JAK2: variants seen among roughly 807,000 people sequenced by gnomAD.
JAK2 encodes the protein Janus kinase 2, also known as tyrosine-protein kinase JAK2.
A neutral mutation model predicts 139.3 loss-of-function variants in JAK2; 86 were observed. That is an observed-to-expected ratio of 0.62 (90% CI 0.52 to 0.74). The LOEUF is 0.74. JAK2 is among the 30% of genes least tolerant of loss of function. JAK2 has a pLI of 0.00. For missense variants in JAK2, 1,421 were observed against 1,360.3 expected (o/e 1.04, Z -0.70); for synonymous variants, 490 against 437.7 (o/e 1.12, Z -1.49).
At chr9:5,031,976 G>C (rs777869836) in intron 4 of JAK2, among the ~76,000 whole-genome samples, 11 of 152,384 alleles carry the variant, frequency 7.2e-5, no homozygotes, top group Middle Eastern at 3.4e-3. Context: ...CCACACCCGG[G>C]AAGCGCAAAG....
chr9:5,073,833 T>G (rs1485829271), intron 14 of JAK2, 48 bp downstream of exon 14: 2 of 1,224,600 alleles, frequency 1.6e-6, no homozygotes, highest in Non-Finnish European at 2.4e-6. Flanking sequence ...AGCATCTGTT[T>G]TTGTTTATAT....
chr9:5,075,876 C>T (rs1455119304), intron 14 of JAK2, among the ~76,000 whole-genome samples: 1 of 152,156 alleles, frequency 6.6e-6, no homozygotes, highest in African/African-American at 2.4e-5. Context: ...GGAAAGGATT[C>T]ACCATTCTAG....
At chr9:5,107,462 A>C (rs1204641430) in intron 22 of JAK2, among the ~76,000 whole-genome samples, 17 of 152,168 alleles carry the variant, frequency 1.1e-4, no homozygotes, top group Admixed American at 1.0e-3. Flanking sequence ...TGAGCTATTC[A>C]AACAAATTAC....
intron 22 of JAK2, chr9:5,099,228 T>A (rs1382608838): frequency 6.6e-6 from 1 of 152,238 alleles, no homozygotes; most frequent in East Asian, 1.9e-4. Flanking sequence ...GTCTTTACTA[T>A]GGACAGTGCT....
intron 23 of JAK2, 87 bp from the exon 24 acceptor site, chr9:5,126,246 A>T: frequency 4.6e-6 from 4 of 873,082 alleles, no homozygotes; most frequent in Non-Finnish European, 5.4e-6. Flanking sequence ...CATATACTAA[A>T]TTTTTTCCCA....
At chr9:5,086,193 GCCGCC>G in intron 19 of JAK2, 1 of 531,082 alleles carries the variant, frequency 1.9e-6, no homozygotes, top group Non-Finnish European at 2.5e-6. Context: ...CAACAGCCGC[GCCGCC>G]CCCGCCACCA....
At chr9:5,112,665 A>ACCAGGCC in intron 22 of JAK2, 1 of 957,870 alleles carries the variant, frequency 1.0e-6, no homozygotes, top group Non-Finnish European at 1.5e-6. Context: ...CTTATCCTGC[A>ACCAGGCC]CCAGGCCGTC....
intron 23 of JAK2, 141 bp downstream of exon 23, chr9:5,123,262 A>G (rs1252845450): frequency 3.7e-6 from 2 of 545,844 alleles, no homozygotes; most frequent in East Asian, 5.9e-5. Flanking sequence ...CACCACCTTA[A>G]TAACATACAT....
intron 22 of JAK2, among the ~76,000 whole-genome samples, chr9:5,116,963 T>C (rs1475774607): frequency 1.3e-5 from 2 of 152,234 alleles, no homozygotes; most frequent in Non-Finnish European, 2.9e-5. Context: ...TAAGATGACA[T>C]TTCAACGATT....
chr9:5,059,976 C>CA (rs1213046978), intron 8 of JAK2, among the ~76,000 whole-genome samples: 2 of 152,038 alleles, frequency 1.3e-5, no homozygotes, highest in East Asian at 1.9e-4. Context: ...AGACATACGT[C>CA]AGAGATATTT....
chr9:5,089,037 A>AAGTT (rs906832419), intron 19 of JAK2, among the ~76,000 whole-genome samples: 16 of 152,218 alleles, frequency 1.1e-4, no homozygotes, highest in African/African-American at 3.9e-4. Flanking sequence ...TTCTTCCTGG[A>AAGTT]AGTTAGTGAC....
chr9:4,994,818 ACT>A (rs1197650131), intron 2 of JAK2, among the ~76,000 whole-genome samples: 4 of 152,044 alleles, frequency 2.6e-5, no homozygotes, highest in South Asian at 2.1e-4. Context: ...TTGGAACAAA[ACT>A]CTCTGAGAGT....
intron 8 of JAK2, among the ~76,000 whole-genome samples, chr9:5,063,690 TAA>T (rs1326170436): frequency 6.6e-6 from 1 of 151,994 alleles, no homozygotes; most frequent in Non-Finnish European, 1.5e-5. Context: ...AAAAGTTGCA[TAA>T]GAGTGTTTTG....
intron 8 of JAK2, among the ~76,000 whole-genome samples, chr9:5,060,844 A>G (rs180717103): frequency 6.6e-6 from 1 of 152,334 alleles, no homozygotes; most frequent in East Asian, 1.9e-4. Context: ...ATCACTATCT[A>G]TGGCAGCTTA....
At chr9:5,123,671 G>A (rs1024742308) in intron 23 of JAK2, among the ~76,000 whole-genome samples, 1 of 151,908 alleles carries the variant, frequency 6.6e-6, no homozygotes, top group African/African-American at 2.4e-5. Context: ...ATACCCCATA[G>A]TGGGAATGCT....
At chr9:5,056,145 T>C (rs1207951801) in intron 8 of JAK2, among the ~76,000 whole-genome samples, 12 of 152,118 alleles carry the variant, frequency 7.9e-5, no homozygotes, top group Admixed American at 7.9e-4. Context: ...GTGCCAGTTA[T>C]ACTGCCTAAT....
intron 2 of JAK2, among the ~76,000 whole-genome samples, chr9:4,994,211 C>T (rs990540781): frequency 6.6e-6 from 1 of 152,196 alleles, no homozygotes; most frequent in African/African-American, 2.4e-5. Flanking sequence ...GCCATAGGAA[C>T]TTCCTTATCT....
rs998486041 is a variant in JAK2, at chr9:5,111,442, T to A, written c.3060-11562T>A. ...CCACGAAGGTCGGGAAGGTCCCGCC[T>A]GGTCTTCCATCCTCGGCGTACCTGC... is the stretch of plus-strand genomic sequence containing the variant. On this transcript the variant is annotated intron_variant, in intron 22 of 24. Coordinates refer to ENST00000381652, the MANE Select transcript of JAK2 (RefSeq NM_004972.4). 25 of 393,852 alleles carry A rather than the reference T, an allele frequency of 6.3e-5. No homozygotes were observed. In the East Asian group the frequency reaches 1.4e-3, roughly 23 times the overall value. 24.4% of individuals were successfully genotyped at this position (393,852 alleles called of 1,614,324 possible).
At chr9:5,012,438 A>G (rs183789008) in intron 2 of JAK2, among the ~76,000 whole-genome samples, 2 of 152,246 alleles carry the variant, frequency 1.3e-5, no homozygotes, top group African/African-American at 4.8e-5. Context: ...CTACTCTCTC[A>G]TTATCAAAAA....
Sources: allele counts gnomAD v4.1 joint callset (sites outside exome capture counted in the v4.1 genomes callset), GRCh38; gene constraint gnomAD v4.1.1; transcripts MANE v1.5; gene names NCBI Gene and HGNC (gene_info 2026-07-23, HGNC 2026-07-21).